ARHGAP26: variants seen among roughly 807,000 people sequenced by gnomAD.
The protein encoded by ARHGAP26 is Rho GTPase activating protein 26, also known as rho GTPase-activating protein 26.
In ARHGAP26, 38 loss-of-function variants were observed where a neutral mutation model predicts 104.8. The observed-to-expected ratio is 0.36, with a 90% CI of 0.28 to 0.48. The LOEUF is 0.48. Among genes scored for constraint, ARHGAP26 ranks in the 20% least tolerant of loss-of-function variants. The pLI is 0.99. For missense variants in ARHGAP26, 704 were observed against 947.9 expected (o/e 0.74, Z 3.38); for synonymous variants, 341 against 340.0 (o/e 1.00, Z -0.03).
intron 11 of ARHGAP26, among the ~76,000 whole-genome samples, chr5:142,970,599 G>A (rs948204795): frequency 2.6e-5 from 4 of 152,160 alleles, no homozygotes; most frequent in Admixed American, 1.3e-4. Flanking sequence ...CCATTCCTAA[G>A]CCAATCATTG....
At chr5:142,999,942 C>G (rs1182382883) in intron 11 of ARHGAP26, among the ~76,000 whole-genome samples, 5 of 152,056 alleles carry the variant, frequency 3.3e-5, no homozygotes, top group Non-Finnish European at 5.9e-5. Context: ...AAGAACCTAA[C>G]TAAAAGACAG....
At chr5:142,808,179 G>A (rs1026207411) in intron 1 of ARHGAP26, among the ~76,000 whole-genome samples, 2 of 128,228 alleles carry the variant, frequency 1.6e-5, no homozygotes, top group Admixed American at 1.9e-4. Context: ...AGCTTGCAGC[G>A]AGCTGAGATC....
At chr5:142,991,124 C>T (rs900525273) in intron 11 of ARHGAP26, among the ~76,000 whole-genome samples, 1 of 152,204 alleles carries the variant, frequency 6.6e-6, no homozygotes, top group Non-Finnish European at 1.5e-5. Flanking sequence ...GTTCGAGCTT[C>T]CTGGCCGCTT....
chr5:143,073,072 T>C (rs764467203), intron 17 of ARHGAP26, among the ~76,000 whole-genome samples: 1 of 152,188 alleles, frequency 6.6e-6, no homozygotes, highest in Non-Finnish European at 1.5e-5. Context: ...TAGTAATAGT[T>C]AAATCTGATC....
chr5:143,039,373 A>G (rs1783111278), intron 13 of ARHGAP26, among the ~76,000 whole-genome samples: 1 of 151,776 alleles, frequency 6.6e-6, no homozygotes, highest in African/African-American at 2.4e-5. Context: ...ATGCCCAGCT[A>G]ATTTTTGTAC....
intron 12 of ARHGAP26, among the ~76,000 whole-genome samples, chr5:143,020,426 A>G (rs573961839): frequency 6.6e-6 from 1 of 152,192 alleles, no homozygotes; most frequent in African/African-American, 2.4e-5. Flanking sequence ...GGTGTATGTC[A>G]TATTCAAACC....
At chr5:143,173,226 C>T (rs1803023054) in intron 20 of ARHGAP26, 1 of 159,568 alleles carries the variant, frequency 6.3e-6, no homozygotes, top group South Asian at 2.0e-4. Context: ...CAAGCACAAA[C>T]AAGGAGAAAA....
At chr5:142,999,016 G>C (rs1308118973) in intron 11 of ARHGAP26, among the ~76,000 whole-genome samples, 3 of 152,198 alleles carry the variant, frequency 2.0e-5, no homozygotes, top group African/African-American at 7.2e-5. Context: ...AGTGCATAGA[G>C]AGCCCTTCAG....
At chr5:142,937,818 A>AT (rs1475689698) in intron 11 of ARHGAP26, among the ~76,000 whole-genome samples, 1 of 152,196 alleles carries the variant, frequency 6.6e-6, no homozygotes, top group African/African-American at 2.4e-5. Flanking sequence ...ATTTTGTAAC[A>AT]TTTTTGAAGT....
intron 11 of ARHGAP26, among the ~76,000 whole-genome samples, chr5:143,011,356 G>A (rs1313135134): frequency 8.3e-6 from 1 of 120,034 alleles, no homozygotes; most frequent in African/African-American, 3.2e-5. Flanking sequence ...AATATTTGAA[G>A]TAATCATAAA....
rs534800987 is a variant in ARHGAP26 at position 143,154,764 on chromosome 5, C to G, written c.1988+7383C>G. On this transcript the variant is annotated intron_variant, in intron 20 of 22. Transcript: ENST00000645722. ...GAAACCTCTGAATCCCACAGGGTAC[C>G]TGATAATTGTGTGCATAGCTGTTAT... Among the ~76,000 whole-genome samples, 16 of 152,294 alleles carry G rather than the reference C, an allele frequency of 1.1e-4. No individual in the cohort carries two copies. In the East Asian group the frequency reaches 3.1e-3, roughly 29 times the overall value.
chr5:143,106,048 C>A lies in ARHGAP26; in HGVS notation c.1539-14940C>A, dbSNP rs139312833. 3.7e-4 allele frequency among the ~76,000 whole-genome samples: 56 copies of A among 152,182 alleles called. No individual in the cohort carries two copies. In the East Asian group the frequency reaches 9.8e-3, roughly 27 times the overall value. ...TCCTCTCCCCACAAGTTTACCAAGC[C>A]CAAAGGGTCTTTTTAAAGGGTGACT... is the stretch of plus-strand genomic sequence containing the variant. On this transcript the variant is annotated intron_variant, in intron 17 of 22. Coordinates refer to ENST00000645722, the MANE Select transcript of ARHGAP26 (RefSeq NM_001135608.3).
At chr5:142,808,726 A>G (rs969436433) in intron 1 of ARHGAP26, among the ~76,000 whole-genome samples, 3 of 152,132 alleles carry the variant, frequency 2.0e-5, no homozygotes, top group African/African-American at 4.8e-5. Context: ...AGCATGGTCC[A>G]TCTGTTTGGG....
In ARHGAP26 at chr5:143,037,225, A is replaced by G. The variant is rs1782797987; in HGVS notation, c.1174A>G (p.Ile392Val). The G allele has an allele frequency of 6.2e-7, 1 of 1,605,508 alleles. No homozygotes were observed. The highest frequency in any genetic ancestry group is 1.3e-5 in the African/African-American group (1 of 74,972). The change falls in exon 13 of 23, where the codon ATA becomes GTA. Residue 392 changes from isoleucine (I) to valine (V), a missense_variant. Around this residue, in one of 6 missense-constraint regions of ARHGAP26, gnomAD observed 287 missense variants for 438.8 expected, o/e 0.65. Coordinates refer to ENST00000645722, the MANE Select transcript of ARHGAP26 (RefSeq NM_001135608.3). ...TAQLDSIGFS[I>V]IRKCIHAVET... ...GCAGTTGGACAGCATTGGCTTCAGC[A>G]TAATCAGGAAATGCATCCATGCTGT...
intron 1 of ARHGAP26, chr5:142,771,367 T>G: frequency 8.1e-7 from 1 of 1,232,046 alleles, no homozygotes; most frequent in Non-Finnish European, 1.0e-6. Flanking sequence ...TGCCTCCCCT[T>G]GGGAAAAGGT....
chr5:143,068,332 A>G (rs1787800799), intron 17 of ARHGAP26, among the ~76,000 whole-genome samples: 1 of 152,150 alleles, frequency 6.6e-6, no homozygotes, highest in South Asian at 2.1e-4. Context: ...TCTCTTCTAG[A>G]TGATCATCTC....
chr5:142,889,595 G>T (rs1367915832), intron 5 of ARHGAP26, among the ~76,000 whole-genome samples: 1 of 152,136 alleles, frequency 6.6e-6, no homozygotes, highest in Non-Finnish European at 1.5e-5. Flanking sequence ...TCCAGCCTGG[G>T]CAACAGAGCG....
At chr5:143,164,860 G>A (rs1200010290) in intron 20 of ARHGAP26, 1 of 152,172 alleles carries the variant, frequency 6.6e-6, no homozygotes, top group African/African-American at 2.4e-5. Flanking sequence ...AGGTCTCTAT[G>A]TACAAAAATG....
chr5:143,169,902 C>T (rs1475538778), intron 20 of ARHGAP26: 1 of 152,186 alleles, frequency 6.6e-6, no homozygotes, highest in Non-Finnish European at 1.5e-5. Context: ...GAAAATATCC[C>T]CTTTTTTCAG....
Sources: allele counts gnomAD v4.1 joint callset (sites outside exome capture counted in the v4.1 genomes callset), GRCh38; gene constraint gnomAD v4.1.1; regional missense constraint gnomAD v4.1.1; transcripts MANE v1.5; gene names NCBI Gene and HGNC (gene_info 2026-07-23, HGNC 2026-07-21).